Variants in MAP4K5 observed in about 807,000 individuals in gnomAD.
MAP4K5 encodes MAPK/ERK kinase kinase kinase 5.
Under a neutral mutation model 135.6 loss-of-function variants are expected in MAP4K5, and 82 were observed. That is an observed-to-expected ratio of 0.60 (90% CI 0.51 to 0.73). The LOEUF (loss-of-function observed/expected upper bound fraction) is 0.73, where lower values mean the gene tolerates loss of function less well. Ranked by LOEUF, MAP4K5 falls within the 30% of genes least tolerant of loss-of-function variation. The probability of loss-of-function intolerance (pLI) is 0.00; values close to 1 mark genes in which losing one functional copy is unlikely to be tolerated. For synonymous variants in MAP4K5, 347 were observed against 335.0 expected (o/e 1.04, Z -0.39); for missense variants, 907 against 1,010.9 (o/e 0.90, Z 1.39).
At chr14:50,457,265 G>T (rs2036611538) in intron 13 of MAP4K5, among the ~76,000 whole-genome samples, 1 of 152,088 alleles carries the variant, frequency 6.6e-6, no homozygotes, top group Non-Finnish European at 1.5e-5. Flanking sequence ...GGAATTTTTT[G>T]GAGACTTTAC....
At chr14:50,461,657 AC>A (rs1173997575) in intron 13 of MAP4K5, among the ~76,000 whole-genome samples, 7 of 152,222 alleles carry the variant, frequency 4.6e-5, no homozygotes, top group Non-Finnish European at 1.0e-4. Context: ...ATGGTGGCTC[AC>A]GCCTGTAATC....
intron 1 of MAP4K5, among the ~76,000 whole-genome samples, chr14:50,548,544 C>G (rs955551579): frequency 6.6e-6 from 1 of 152,132 alleles, no homozygotes; most frequent in African/African-American, 2.4e-5. Flanking sequence ...GAGTCTTGCT[C>G]TGTCACCCAG....
chr14:50,487,081 T>C (rs1382237439), intron 3 of MAP4K5, among the ~76,000 whole-genome samples: 2 of 152,248 alleles, frequency 1.3e-5, no homozygotes, highest in Non-Finnish European at 2.9e-5. Flanking sequence ...TTAAATATTC[T>C]TGTCATGCCA....
chr14:50,515,532 C>CA (rs1380527358), intron 2 of MAP4K5, among the ~76,000 whole-genome samples: 1 of 152,114 alleles, frequency 6.6e-6, no homozygotes, highest in Admixed American at 6.6e-5. Context: ...ACTAGCCTGG[C>CA]AAAATCCTAA....
intron 31 of MAP4K5, among the ~76,000 whole-genome samples, chr14:50,424,391 T>C (rs1251040069): frequency 6.6e-6 from 1 of 151,716 alleles, no homozygotes; most frequent in African/African-American, 2.4e-5. Flanking sequence ...GATGAGAACA[T>C]AAACTGAAAA....
chr14:50,476,371 T>C (rs1379954880), intron 6 of MAP4K5, 65 bp from the exon 7 acceptor site: 1 of 776,794 alleles, frequency 1.3e-6, no homozygotes, highest in Non-Finnish European at 1.9e-6. Flanking sequence ...TCCTAAATTT[T>C]CTACTTAAAT....
intron 2 of MAP4K5, among the ~76,000 whole-genome samples, chr14:50,530,182 A>G (rs2038356878): frequency 1.3e-5 from 2 of 152,224 alleles, no homozygotes; most frequent in Admixed American, 1.3e-4. Context: ...GGGTGAAGGT[A>G]GAGTATGATG....
chr14:50,453,959 T>A (rs1057478999), intron 14 of MAP4K5, among the ~76,000 whole-genome samples: 1 of 152,124 alleles, frequency 6.6e-6, no homozygotes, highest in Admixed American at 6.6e-5. Flanking sequence ...TAATAATCAT[T>A]TATGTCCACT....
intron 1 of MAP4K5, among the ~76,000 whole-genome samples, chr14:50,553,474 G>A (rs1402584646): frequency 6.6e-6 from 1 of 152,082 alleles, no homozygotes; most frequent in Non-Finnish European, 1.5e-5. Context: ...TGGATGTGGT[G>A]AAAAGGGAGC....
At chr14:50,546,443 T>TA (rs1041068078) in intron 1 of MAP4K5, among the ~76,000 whole-genome samples, 156 of 152,266 alleles carry the variant, frequency 1.0e-3, no homozygotes, top group African/African-American at 3.6e-3. Flanking sequence ...TGTTATATGT[T>TA]ATGTCTGACA....
upstream of MAP4K5, among the ~76,000 whole-genome samples, chr14:50,535,604 A>G (rs930254294): frequency 6.6e-6 from 1 of 150,882 alleles, no homozygotes. Flanking sequence ...AATTAGGGCC[A>G]CTTGTCTTTT....
intron 1 of MAP4K5, among the ~76,000 whole-genome samples, chr14:50,544,811 G>A (rs577085614): frequency 2.5e-4 from 38 of 151,692 alleles, no homozygotes; most frequent in African/African-American, 7.5e-4. Context: ...GTGGCATGAC[G>A]CTATAAATGC....
rs914471035 is a variant in MAP4K5 at position 50,504,939 on chromosome 14, C to T, written c.109-82G>A. 7.7e-5 allele frequency: 59 copies of T among 767,724 alleles called. No individual in the cohort carries two copies. The African/African-American group carries it at 8.3e-4, about 11-fold the overall frequency. The allele number at this position is 767,724 out of a possible 1,614,324, so 47.6% of individuals were successfully genotyped here. On this transcript the variant is annotated intron_variant, in intron 2 of 32. Transcript: ENST00000682126. ...AAATTACTTGGTACTATGTTAATTG[C>T]TTATCAACCATACTTTTATCAAAAC... is the stretch of plus-strand genomic sequence containing the variant.
At chr14:50,528,687 C>T (rs1350730828) in intron 2 of MAP4K5, among the ~76,000 whole-genome samples, 3 of 152,152 alleles carry the variant, frequency 2.0e-5, no homozygotes, top group Non-Finnish European at 2.9e-5. Flanking sequence ...TGCCACTGGA[C>T]TCCAGCCTAA....
chr14:50,496,498 T>TTATA (rs1057278642), intron 3 of MAP4K5, among the ~76,000 whole-genome samples: 1 of 151,924 alleles, frequency 6.6e-6, no homozygotes, highest in African/African-American at 2.4e-5. Context: ...ACATATATTA[T>TTATA]TATATATATA....
chr14:50,552,146 A>G (rs1202013829), intron 1 of MAP4K5, among the ~76,000 whole-genome samples: 28 of 152,210 alleles, frequency 1.8e-4, no homozygotes, highest in Non-Finnish European at 1.3e-4. Flanking sequence ...GACCTGATAA[A>G]TGAGTTCAGT....
intron 3 of MAP4K5, among the ~76,000 whole-genome samples, chr14:50,493,607 T>C (rs2037532253): frequency 6.6e-6 from 1 of 152,142 alleles, no homozygotes; most frequent in Non-Finnish European, 1.5e-5. Flanking sequence ...TTTAGCAAAA[T>C]TGTAAGATAC....
intron 15 of MAP4K5, among the ~76,000 whole-genome samples, chr14:50,447,970 A>C (rs1435858977): frequency 1.3e-5 from 2 of 152,066 alleles, no homozygotes; most frequent in Admixed American, 6.6e-5. Context: ...GGTTAGGCTA[A>C]CTCTAATAAT....
At chr14:50,423,069 G>A in intron 32 of MAP4K5, 52 bp downstream of exon 32, 1 of 827,886 alleles carries the variant, frequency 1.2e-6, no homozygotes, top group Non-Finnish European at 2.0e-6. Context: ...ATAATTAAGA[G>A]TATGATCTTT....
Sources: allele counts gnomAD v4.1 joint callset (sites outside exome capture counted in the v4.1 genomes callset), GRCh38; gene constraint gnomAD v4.1.1; transcripts MANE v1.5; gene names NCBI Gene and HGNC (gene_info 2026-07-23, HGNC 2026-07-21).